Variants in NSD3 observed in about 807,000 individuals in gnomAD.
The protein encoded by NSD3 is nuclear receptor binding SET domain protein 3, also known as histone-lysine N-methyltransferase NSD3.
Under a neutral mutation model 160.8 loss-of-function variants are expected in NSD3, and 24 were observed. The ratio of observed to expected loss-of-function variants is 0.15; its 90% confidence interval spans 0.11 to 0.21. The LOEUF (loss-of-function observed/expected upper bound fraction) is 0.21, where lower values mean the gene tolerates loss of function less well. Among genes scored for constraint, NSD3 ranks in the 10% least tolerant of loss-of-function variants. NSD3 has a pLI of 1.00. For synonymous variants in NSD3, 520 were observed against 600.0 expected, an observed-to-expected ratio of 0.87 and a Z score of 1.95; for missense variants, 1,157 against 1,735.9, an observed-to-expected ratio of 0.67 and a Z score of 5.93.
chr8:38,344,464 G>A (rs1810464202), intron 2 of NSD3, among the ~76,000 whole-genome samples: 1 of 151,944 alleles, frequency 6.6e-6, no homozygotes. Flanking sequence ...AGTAGAGATG[G>A]GGTTTCACCA....
chr8:38,336,654 C>T (rs989684489), intron 4 of NSD3, among the ~76,000 whole-genome samples: 20 of 152,158 alleles, frequency 1.3e-4, no homozygotes, highest in African/African-American at 4.6e-4. Flanking sequence ...TCATATAAAA[C>T]ATCTGATCGC....
At chr8:38,356,214 A>G (rs1563366571) in intron 1 of NSD3, among the ~76,000 whole-genome samples, 1 of 152,236 alleles carries the variant, frequency 6.6e-6, no homozygotes, top group Non-Finnish European at 1.5e-5. Flanking sequence ...TTTAAAAAAG[A>G]TAAATCAATC....
In NSD3 at chr8:38,318,083, G is replaced by GC; in HGVS notation, c.1855+811dup. On this transcript the variant is annotated intron_variant, in intron 9 of 23. Coordinates refer to ENST00000317025, the MANE Select transcript of NSD3 (RefSeq NM_023034.2). The surrounding 1 kb of genome is among the most constrained non-coding windows in gnomAD (Gnocchi z 5.3). ...CAACGCAATCAGGCCTCCTAATCTC[G>GC]CAGCGATCGCGATGTCTTTTCTTGG... 1.2e-6 allele frequency: 2 copies of GC among 1,609,030 alleles called. No individual in the cohort carries two copies. Among genetic ancestry groups the GC allele is most frequent in the Non-Finnish European group, 1.7e-6 (2 of 1,177,200 alleles).
chr8:38,296,833 GC>G (rs1203993264), intron 15 of NSD3, among the ~76,000 whole-genome samples: 5 of 151,758 alleles, frequency 3.3e-5, no homozygotes, highest in Non-Finnish European at 7.4e-5. Context: ...TGCCTCAGCC[GC>G]CCAAACTGTT....
rs1304088074 is a variant in NSD3 at position 38,315,457 on chromosome 8, T to G, written c.2074A>C (p.Arg692=). 1 of 1,605,220 alleles carries G rather than the reference T, an allele frequency of 6.2e-7. No individual in the cohort carries two copies. Among genetic ancestry groups the G allele is most frequent in the Admixed American group, 1.7e-5 (1 of 57,220 alleles). ...TTCTTACTCATTCCAGTGCCTCTTC[T>G]CGACAAACTTGAATCCATGGACTGC... ...DVQSMDSSLS[R]RGTGMSKKDT... is the part of the protein sequence containing the mutation. Residue 692 remains arginine (R), a synonymous_variant, in exon 11 of 24, where the codon AGA becomes CGA. Transcript: ENST00000317025.
chr8:38,283,921 G>A (rs1340680979), intron 19 of NSD3, among the ~76,000 whole-genome samples: 1 of 151,982 alleles, frequency 6.6e-6, no homozygotes, highest in African/African-American at 2.4e-5. Flanking sequence ...GGGCAACACA[G>A]TGAAACCTCA....
intron 7 of NSD3, among the ~76,000 whole-genome samples, chr8:38,322,369 T>TA (rs1809811655): frequency 6.6e-6 from 1 of 152,174 alleles, no homozygotes; most frequent in Non-Finnish European, 1.5e-5. Flanking sequence ...CTCTTCTCCT[T>TA]ACACTGACGA....
intron 12 of NSD3, among the ~76,000 whole-genome samples, chr8:38,309,800 A>C (rs955222117): frequency 3.3e-5 from 5 of 152,232 alleles, no homozygotes; most frequent in Admixed American, 2.6e-4. Context: ...CTTTCCAGAA[A>C]TCACGTTTGA....
intron 6 of NSD3, among the ~76,000 whole-genome samples, chr8:38,327,310 C>T (rs1302928155): frequency 6.6e-6 from 1 of 152,084 alleles, no homozygotes; most frequent in Non-Finnish European, 1.5e-5. Context: ...CTCACCTTGG[C>T]CTCCCAAAGT....
intron 1 of NSD3, among the ~76,000 whole-genome samples, chr8:38,377,629 A>G (rs975135303): frequency 2.6e-5 from 4 of 152,282 alleles, no homozygotes; most frequent in African/African-American, 9.6e-5. Flanking sequence ...CTGGGATTAC[A>G]GGCGTGAGCC....
chr8:38,299,416 A>G (rs1238976493), intron 15 of NSD3, 28 bp downstream of exon 15: 1 of 1,598,218 alleles, frequency 6.3e-7, no homozygotes, highest in Non-Finnish European at 8.5e-7. Flanking sequence ...GCAAAAATAA[A>G]AGCAAGAGAA....
At chr8:38,294,244 C>T (rs185669849) in intron 16 of NSD3, among the ~76,000 whole-genome samples, 7 of 152,044 alleles carry the variant, frequency 4.6e-5, no homozygotes, top group Admixed American at 3.9e-4. Context: ...ACACATGGCA[C>T]GCCACTATGC....
At chr8:38,326,706 T>C in intron 7 of NSD3, 24 bp downstream of exon 7, 1 of 1,610,440 alleles carries the variant, frequency 6.2e-7, no homozygotes, top group Non-Finnish European at 8.5e-7. Flanking sequence ...AATGGACCTA[T>C]ATATACTTTT....
chr8:38,275,902 A>T lies in NSD3; in HGVS notation c.4073-20T>A, dbSNP rs763980701. On this transcript the variant is annotated intron_variant, in intron 23 of 23. Transcript: ENST00000317025. Reference sequence around the variant, plus strand: ...ACTTTCCTAATTCGGGGAGATGGGGAGGAAGAAGGAGAAGTGCCCAAGTTA... The same window carrying T: ...ACTTTCCTAATTCGGGGAGATGGGGTGGAAGAAGGAGAAGTGCCCAAGTTA... 1.9e-6 allele frequency: 3 copies of T among 1,605,678 alleles called. No individual in the cohort carries two copies. The highest frequency in any genetic ancestry group is 2.2e-5 in the East Asian group (1 of 44,656).
At chr8:38,294,550 A>G (rs1585862628) in intron 16 of NSD3, among the ~76,000 whole-genome samples, 1 of 152,174 alleles carries the variant, frequency 6.6e-6, no homozygotes, top group Non-Finnish European at 1.5e-5. Flanking sequence ...TAAATTCTAA[A>G]AAGTTTTCTC....
At chr8:38,326,651 A>T in intron 7 of NSD3, 79 bp downstream of exon 7, 1 of 1,347,098 alleles carries the variant, frequency 7.4e-7, no homozygotes, top group Non-Finnish European at 9.7e-7. Flanking sequence ...GTTTCTTAGA[A>T]ACACAGCTAC....
Position 38,315,872 on chromosome 8 carries a change from C to T in NSD3, c.1986+40G>A, listed in dbSNP as rs781342264. On this transcript the variant is annotated intron_variant, in intron 10 of 23. Transcript: ENST00000317025. ...ATAAATAAGGGAAAAGCATTATGTTCAAGAAAGAACACTTTGTCCAGACCC... is the reference window on the plus strand; with the variant it reads ...ATAAATAAGGGAAAAGCATTATGTTTAAGAAAGAACACTTTGTCCAGACCC... 7 of 1,586,878 alleles carry T rather than the reference C, an allele frequency of 4.4e-6. No individual in the cohort carries two copies. In the South Asian group the frequency reaches 8.1e-5, roughly 18 times the overall value.
chr8:38,287,022 A>C (rs1339358553), intron 19 of NSD3, among the ~76,000 whole-genome samples: 3 of 152,232 alleles, frequency 2.0e-5, no homozygotes, highest in Non-Finnish European at 4.4e-5. Flanking sequence ...AGATCCACTA[A>C]GGTAAGGGTT....
Position 38,329,884 on chromosome 8 carries a change from G to A in NSD3, c.1075C>T (p.Pro359Ser). ...TGAGCACGTTCTCTCTGAGGTCGGGGTTTCCGAATCTTTAAAAAAGATAGA... is the reference window on the plus strand; with the variant it reads ...TGAGCACGTTCTCTCTGAGGTCGGGATTTCCGAATCTTTAAAAAAGATAGA... ...NHSEKQKIRK[P>S]RPQRERAQWD... Residue 359 changes from proline (P) to serine (S), a missense_variant, in exon 6 of 24, where the codon CCC (proline) becomes TCC (serine). Pro to Ser is a moderately conservative substitution (Grantham distance 74, BLOSUM62 -1). Coordinates refer to ENST00000317025, the MANE Select transcript of NSD3 (RefSeq NM_023034.2). The surrounding 1 kb of genome is among the most constrained non-coding windows in gnomAD (Gnocchi z 4.8). 2.5e-6 allele frequency: 4 copies of A among 1,576,818 alleles called. No individual in the cohort carries two copies. Among genetic ancestry groups the A allele is most frequent in the Non-Finnish European group, 2.6e-6 (3 of 1,165,530 alleles).
Sources: allele counts gnomAD v4.1 joint callset (sites outside exome capture counted in the v4.1 genomes callset), GRCh38; gene constraint gnomAD v4.1.1; non-coding constraint Gnocchi (gnomAD v3.1); transcripts MANE v1.5; gene names NCBI Gene and HGNC (gene_info 2026-07-23, HGNC 2026-07-21).